The following ADAMTS5 variants were observed in gnomAD, a reference collection of about 807,000 sequenced individuals.
ADAMTS5 encodes the protein ADAM metallopeptidase with thrombospondin type 1 motif 5, also known as A disintegrin and metalloproteinase with thrombospondin motifs 5.
ADAMTS5 carries 54 observed loss-of-function variants against 81.4 expected under a neutral mutation model. The ratio of observed to expected loss-of-function variants is 0.66; its 90% CI spans 0.53 to 0.83. ADAMTS5 has a LOEUF of 0.83. ADAMTS5 is among the 40% of genes least tolerant of loss of function. The pLI is 0.00. For missense variants in ADAMTS5, 1,194 were observed against 1,229.9 expected, an observed-to-expected ratio of 0.97 and a Z score of 0.44; for synonymous variants, 532 against 508.8, an observed-to-expected ratio of 1.05 and a Z score of -0.61.
intron 4 of ADAMTS5, 91 bp from the exon 5 acceptor site, chr21:26,933,135 TGGAA>T: frequency 6.7e-6 from 9 of 1,343,778 alleles, no homozygotes; most frequent in East Asian, 2.6e-5. Flanking sequence ...AATGACAAAG[TGGAA>T]ACTTTGTCAC....
At chr21:26,948,589 A>G (rs74771079) in intron 2 of ADAMTS5, among the ~76,000 whole-genome samples, 3,972 of 152,290 alleles carry the variant, frequency 0.026, 176 homozygotes, top group African/African-American at 0.09. Flanking sequence ...AGCTCCAGTC[A>G]TTGGATCATG....
At chr21:26,943,345 G>T in intron 3 of ADAMTS5, 35 bp downstream of exon 3, 1 of 1,573,184 alleles carries the variant, frequency 6.4e-7, no homozygotes, top group Non-Finnish European at 8.6e-7. Context: ...CCCAAATTTT[G>T]TTTCTCAGTC....
chr21:26,954,565 C>T (rs1987383199), intron 2 of ADAMTS5, among the ~76,000 whole-genome samples, 174 bp downstream of exon 2: 1 of 152,178 alleles, frequency 6.6e-6, no homozygotes. Context: ...GCTGACTTTG[C>T]CTTCCCTGTC....
At chr21:26,955,730 C>T (rs1330839046) in intron 1 of ADAMTS5, among the ~76,000 whole-genome samples, 1 of 152,102 alleles carries the variant, frequency 6.6e-6, no homozygotes, top group Non-Finnish European at 1.5e-5. Context: ...ATAAACTTTC[C>T]CTTTAAATGC....
chr21:26,954,627 G>A (rs1220784899), intron 2 of ADAMTS5, 112 bp downstream of exon 2: 1 of 1,470,456 alleles, frequency 6.8e-7, no homozygotes, highest in Admixed American at 2.2e-5. Flanking sequence ...TTAATTCCCA[G>A]TGGTACATCT....
At chr21:26,965,187 G>A in intron 1 of ADAMTS5, 101 bp downstream of exon 1, 1 of 1,471,922 alleles carries the variant, frequency 6.8e-7, no homozygotes, top group Admixed American at 2.1e-5. Flanking sequence ...CACATCCACA[G>A]CTGCAGGAGG....
At chr21:26,959,800 C>T (rs1405307690) in intron 1 of ADAMTS5, among the ~76,000 whole-genome samples, 1 of 152,138 alleles carries the variant, frequency 6.6e-6, no homozygotes, top group African/African-American at 2.4e-5. Flanking sequence ...TGTAGTTGTC[C>T]TCTATTTCTC....
intron 7 of ADAMTS5, among the ~76,000 whole-genome samples, chr21:26,928,688 T>G (rs974313168): frequency 2.6e-5 from 4 of 151,400 alleles, no homozygotes; most frequent in Non-Finnish European, 5.9e-5. Flanking sequence ...TCTTTTTCTT[T>G]CTTTCTCTCT....
intron 3 of ADAMTS5, among the ~76,000 whole-genome samples, chr21:26,937,646 C>T (rs1020162470): frequency 4.6e-5 from 7 of 152,148 alleles, no homozygotes; most frequent in African/African-American, 1.7e-4. Flanking sequence ...TAAGTAATAA[C>T]AGATTGGATA....
rs1414274460 is a variant in ADAMTS5 at position 26,921,690 on chromosome 21, C to T, written c.*2363G>A. ...TCCAGGAATTTAGACATACATTCCT[C>T]AGTCAATCTAGTGAGACTCATAAGA... On this transcript the variant is annotated 3_prime_UTR_variant, in exon 8 of 8. Transcript: ENST00000284987. The T allele has an allele frequency of 6.6e-6, 1 of 152,430 alleles. No homozygotes were observed. Among genetic ancestry groups the T allele is most frequent in the Non-Finnish European group, 1.5e-5 (1 of 67,966 alleles). The allele number at this position is 152,430 out of a possible 1,614,324, so 9.4% of individuals were successfully genotyped here.
At chr21:26,925,004 A>T (rs1189174315) in intron 7 of ADAMTS5, among the ~76,000 whole-genome samples, 1 of 152,216 alleles carries the variant, frequency 6.6e-6, no homozygotes, top group African/African-American at 2.4e-5. Flanking sequence ...ACACAAACTG[A>T]CAAAAATATG....
At position 26,924,582 on chromosome 21, in the gene ADAMTS5, G is replaced by T; in HGVS notation, c.2264C>A (p.Ala755Glu). Residue 755 changes from alanine to glutamate, a missense_variant, in exon 8 of 8, where the codon GCA (alanine) becomes GAA (glutamate). Physicochemically the swap from Ala to Glu is moderately radical, Grantham distance 107. Transcript: ENST00000284987. ...GAACTGTCGAACTTTTATGTGGGTT[G>T]CCCCTTCAGGAATCCTCACCACGTC... is the stretch of plus-strand genomic sequence containing the variant. Reference protein sequence around the residue: ...YTDVVRIPEGATHIKVRQFKA... With the variant: ...YTDVVRIPEGETHIKVRQFKA... 1 of 1,613,864 alleles carries T rather than the reference G, an allele frequency of 6.2e-7. No individual in the cohort carries two copies. Among genetic ancestry groups the T allele is most frequent in the Non-Finnish European group, 8.5e-7 (1 of 1,179,906 alleles).
At position 26,940,953 on chromosome 21, in the gene ADAMTS5, T is replaced by C. The variant is rs369926567; in HGVS notation, c.1405+2427A>G. On this transcript the variant is annotated intron_variant, in intron 3 of 7. Transcript: ENST00000284987. ...TTATTAAGTTATTTCAATTCATCTTTAAATAATAGCACTACAGGGAGTACC... is the reference window on the plus strand; with the variant it reads ...TTATTAAGTTATTTCAATTCATCTTCAAATAATAGCACTACAGGGAGTACC... Among the ~76,000 whole-genome samples the C allele has an allele frequency of 5.3e-5, 8 of 152,332 alleles. No homozygotes were observed. In the South Asian group the frequency reaches 8.3e-4, roughly 16 times the overall value.
At chr21:26,951,726 AGG>A (rs1987322002) in intron 2 of ADAMTS5, among the ~76,000 whole-genome samples, 1 of 140,988 alleles carries the variant, frequency 7.1e-6, no homozygotes, top group African/African-American at 2.6e-5. Context: ...AAAAAAAATT[AGG>A]AAGAGAGAAG....
At position 26,922,746 on chromosome 21, in the gene ADAMTS5, C is replaced by T. The variant is rs924793482; in HGVS notation, c.*1307G>A. 5.9e-5 allele frequency: 9 copies of T among 152,470 alleles called. No individual in the cohort carries two copies. Among genetic ancestry groups the T allele is most frequent in the Admixed American group, 1.3e-4 (2 of 15,274 alleles). The allele number at this position is 152,470 out of a possible 1,614,324, so 9.4% of individuals were successfully genotyped here. The stretch of plus-strand genomic sequence containing the variant: ...TCACATGTCATCACTCAAACACTTA[C>T]GGGTACAATCAAGTGCTTTCCAGTT... On this transcript the variant is annotated 3_prime_UTR_variant, in exon 8 of 8. Transcript: ENST00000284987.
intron 2 of ADAMTS5, among the ~76,000 whole-genome samples, chr21:26,949,947 G>C (rs779674789): frequency 6.6e-6 from 1 of 152,162 alleles, no homozygotes; most frequent in Non-Finnish European, 1.5e-5. Context: ...AAATATGGCC[G>C]TGTTTAATCT....
At chr21:26,960,463 T>A (rs1333196164) in intron 1 of ADAMTS5, among the ~76,000 whole-genome samples, 2 of 152,112 alleles carry the variant, frequency 1.3e-5, no homozygotes, top group Non-Finnish European at 2.9e-5. Flanking sequence ...TTAAATGAGG[T>A]CATGAGGACA....
chr21:26,960,169 C>T (rs554433270), intron 1 of ADAMTS5, among the ~76,000 whole-genome samples: 13 of 152,162 alleles, frequency 8.5e-5, no homozygotes, highest in Non-Finnish European at 1.8e-4. Flanking sequence ...CAATCTATGC[C>T]TCTCAATTCC....
At position 26,922,114 on chromosome 21, in the gene ADAMTS5, G is replaced by A. The variant is rs1173786355; in HGVS notation, c.*1939C>T. ...TTGCTTTCTGCCCTTGGCATTGGGT[G>A]ATCTCCATCACATATAGGTTATCAG... On this transcript the variant is annotated 3_prime_UTR_variant, in exon 8 of 8. Transcript: ENST00000284987. 1 of 151,868 alleles carries A rather than the reference G, an allele frequency of 6.6e-6. No homozygotes were observed. Among genetic ancestry groups the A allele is most frequent in the Non-Finnish European group, 1.5e-5 (1 of 67,892 alleles). 9.4% of individuals were successfully genotyped at this position (151,868 alleles called of 1,614,324 possible).
Sources: allele counts gnomAD v4.1 joint callset (sites outside exome capture counted in the v4.1 genomes callset), GRCh38; gene constraint gnomAD v4.1.1; transcripts MANE v1.5; gene names NCBI Gene and HGNC (gene_info 2026-07-23, HGNC 2026-07-21).